Variants in CXCR4 observed in about 807,000 individuals in gnomAD.
CXCR4 encodes the protein C-X-C chemokine receptor type 4.
In CXCR4, 6 loss-of-function variants were observed where a neutral mutation model predicts 22.4. That is an observed-to-expected ratio of 0.27 (90% CI 0.15 to 0.53). The LOEUF (loss-of-function observed/expected upper bound fraction) is 0.53, where lower values mean the gene tolerates loss of function less well. Among genes scored for constraint, CXCR4 ranks in the 20% least tolerant of loss-of-function variants. The pLI, the probability that CXCR4 is intolerant of heterozygous loss-of-function variation, is 0.96. For synonymous variants in CXCR4, 155 were observed against 171.7 expected (o/e 0.90, Z 0.76); for missense variants, 300 against 430.4 (o/e 0.70, Z 2.68).
In CXCR4 at chr2:136,116,276, AAG is replaced by A. The variant is rs1684886778; in HGVS notation, c.16-366_16-365del. Reference sequence around the variant, plus strand: ...TAGGAGGAAAAAAAAAATACACACAAAGAGGCCACTCCCAGGCGGCGTGGGGG... The same window carrying A: ...TAGGAGGAAAAAAAAAATACACACAAAGGCCACTCCCAGGCGGCGTGGGGG... On this transcript the variant is annotated intron_variant, in intron 1 of 1. Coordinates refer to ENST00000241393, the MANE Select transcript of CXCR4 (RefSeq NM_003467.3). 2.2e-5 allele frequency: 25 copies of A among 1,148,186 alleles called. No individual in the cohort carries two copies. The South Asian group carries it at 4.8e-4, about 22-fold the overall frequency. The allele number at this position is 1,148,186 out of a possible 1,614,324, so 71.1% of individuals were successfully genotyped here. A position where few individuals can be genotyped will look rare whatever the true frequency, so the allele number is the denominator to read the frequency against.
chr2:136,118,078 C>T lies in CXCR4; in HGVS notation c.-18G>A. 1 of 1,613,616 alleles carries T rather than the reference C, an allele frequency of 6.2e-7. No homozygotes were observed. Among genetic ancestry groups the T allele is most frequent in the South Asian group, 1.1e-5 (1 of 91,014 alleles). ...CCCTCCATGGTAACCGCTGGTTCTC[C>T]AGATGCGGTGGCTACTGGAGCACTC... On this transcript the variant is annotated 5_prime_UTR_variant, in exon 1 of 2. Coordinates refer to ENST00000241393, the MANE Select transcript of CXCR4 (RefSeq NM_003467.3).
At chr2:136,116,953 A>T (rs984215083) in intron 1 of CXCR4, among the ~76,000 whole-genome samples, 4 of 152,226 alleles carry the variant, frequency 2.6e-5, no homozygotes, top group Admixed American at 1.3e-4. Context: ...GCTCTGTCCC[A>T]CAGGGTGCTG....
intron 1 of CXCR4, chr2:136,117,739 T>G: frequency 2.7e-6 from 1 of 376,474 alleles, no homozygotes; most frequent in Middle Eastern, 7.7e-4. Flanking sequence ...GCACAGAATG[T>G]TCTTACGTTT....
In CXCR4 at chr2:136,115,431, AG is replaced by A; in HGVS notation, c.496del (p.Leu166CysfsTer2). ...AAAGATGAAGTCGGGAATAGTCAGCAGGAGGGCAGGGATCCAGACGCCAACA... is the reference window on the plus strand; with the variant it reads ...AAAGATGAAGTCGGGAATAGTCAGCAGAGGGCAGGGATCCAGACGCCAACA... The part of the protein sequence containing the change: ...VYVGVWIPAL[L>X]LTIPDFIFAN... On this transcript the variant is annotated frameshift_variant, in exon 2 of 2. Transcript: ENST00000241393. LOFTEE classifies it high-confidence loss of function. The surrounding 1 kb of genome is among the most constrained non-coding windows in gnomAD (Gnocchi z 6.4). 6.2e-7 allele frequency: 1 copy of A among 1,614,222 alleles called. No individual in the cohort carries two copies. Among genetic ancestry groups the A allele is most frequent in the Non-Finnish European group, 8.5e-7 (1 of 1,180,042 alleles).
chr2:136,117,638 A>C (rs941515858), intron 1 of CXCR4: 2 of 176,420 alleles, frequency 1.1e-5, no homozygotes, highest in Middle Eastern at 2.5e-3. Flanking sequence ...AATTCAGACA[A>C]TGTAACTCGC....
At chr2:136,118,013 A>G (rs1684966739) in intron 1 of CXCR4, 33 bp downstream of exon 1, 3 of 1,612,062 alleles carry the variant, frequency 1.9e-6, no homozygotes, top group Non-Finnish European at 2.5e-6. Flanking sequence ...ACGTTTGTAC[A>G]TTTATGACAA....
chr2:136,117,808 A>G, intron 1 of CXCR4: 1 of 503,954 alleles, frequency 2.0e-6, no homozygotes, highest in Non-Finnish European at 3.5e-6. Flanking sequence ...ACATGCAGCC[A>G]CTGGAACGCT....
In CXCR4 at chr2:136,114,452, C is replaced by A; in HGVS notation, c.*417G>T. The A allele has an allele frequency of 4.2e-6, 1 of 237,516 alleles. No individual in the cohort carries two copies. The highest frequency in any genetic ancestry group is 8.3e-6 in the Non-Finnish European group (1 of 119,868). The allele number at this position is 237,516 out of a possible 1,614,324, so 14.7% of individuals were successfully genotyped here. ...AACTGAAAAACCAGCATTTCTATAC[C>A]ACTTTGGGCTTTGGTTATAAGTGCC... On this transcript the variant is annotated 3_prime_UTR_variant, in exon 2 of 2. Transcript: ENST00000241393.
intron 1 of CXCR4, among the ~76,000 whole-genome samples, chr2:136,117,294 C>T (rs573777404): frequency 6.6e-6 from 1 of 152,262 alleles, no homozygotes; most frequent in African/African-American, 2.4e-5. Flanking sequence ...CGACCCCAAA[C>T]TCTCGAACTG....
Position 136,115,382 on chromosome 2 carries a change from G to A in CXCR4, c.546C>T (p.Asp182=), listed in dbSNP as rs112461257. 6.2e-7 allele frequency: 1 copy of A among 1,614,216 alleles called. No homozygotes were observed. The highest frequency in any genetic ancestry group is 8.5e-7 in the Non-Finnish European group (1 of 1,180,044). The part of the protein sequence containing the change: ...FIFANVSEAD[D]RYICDRFYPN... The stretch of plus-strand genomic sequence containing the variant: ...GGTAGAAGCGGTCACAGATATATCT[G>A]TCATCTGCCTCACTGACGTTGGCAA... Residue 182 remains aspartate (D), a synonymous_variant, in exon 2 of 2, where the codon GAC becomes GAT. Transcript: ENST00000241393. This position sits in a 1 kb window ranked among gnomAD's most constrained non-coding sequence, Gnocchi z 6.4.
In CXCR4 at chr2:136,118,035, A is replaced by G. The variant is rs372805951; in HGVS notation, c.15+11T>C. 1 of 1,613,682 alleles carries G rather than the reference A, an allele frequency of 6.2e-7. No homozygotes were observed. The highest frequency in any genetic ancestry group is 8.5e-7 in the Non-Finnish European group (1 of 1,179,664). ...TACATTTATGACAAAGCAGGTTGAAACTGGACTTACACTGATCCCCTCCAT... is the reference window on the plus strand; with the variant it reads ...TACATTTATGACAAAGCAGGTTGAAGCTGGACTTACACTGATCCCCTCCAT... On this transcript the variant is annotated intron_variant, in intron 1 of 1. Transcript: ENST00000241393.
chr2:136,116,394 G>C (rs1684891660), intron 1 of CXCR4, among the ~76,000 whole-genome samples: 1 of 151,984 alleles, frequency 6.6e-6, no homozygotes, highest in Non-Finnish European at 1.5e-5. Context: ...GGAGGATCAC[G>C]GGGGGAGGGC....
chr2:136,115,910 T>C lies in CXCR4; in HGVS notation c.18A>G (p.Ile6Met). MEGISIYTSDNYTEEM... is the reference protein window; with the variant it reads MEGISMYTSDNYTEEM... The stretch of plus-strand genomic sequence containing the variant: ...CCTCGGTGTAGTTATCTGAAGTGTA[T>C]ATCTGCAAAAGAGGCAAAGGAATGG... Residue 6 changes from isoleucine (I) to methionine (M), a missense_variant and splice_region_variant, in exon 2 of 2, where the codon ATA becomes ATG. Physicochemically the swap from Ile to Met is conservative, Grantham distance 10 (BLOSUM62 1). Coordinates refer to ENST00000241393, the MANE Select transcript of CXCR4 (RefSeq NM_003467.3). The surrounding 1 kb of genome is among the most constrained non-coding windows in gnomAD (Gnocchi z 6.4). The C allele has an allele frequency of 6.2e-7, 1 of 1,614,138 alleles. No homozygotes were observed. Among genetic ancestry groups the C allele is most frequent in the South Asian group, 1.1e-5 (1 of 91,088 alleles).
At chr2:136,117,740 T>A (rs2104921669) in intron 1 of CXCR4, 1 of 383,666 alleles carries the variant, frequency 2.6e-6, no homozygotes, top group East Asian at 5.5e-5. Context: ...CACAGAATGT[T>A]CTTACGTTTG....
Position 136,115,863 on chromosome 2 carries a change from T to C in CXCR4, c.65A>G (p.Asp22Gly). The part of the protein sequence containing the change: ...YTEEMGSGDY[D>G]SMKEPCFREE... Reference sequence around the variant, plus strand: ...ACGGAAACAGGGTTCCTTCATGGAGTCATAGTCCCCTGAGCCCATTTCCTC... The same window carrying C: ...ACGGAAACAGGGTTCCTTCATGGAGCCATAGTCCCCTGAGCCCATTTCCTC... Residue 22 changes from aspartate to glycine, a missense_variant, in exon 2 of 2, where the codon GAC (aspartate) becomes GGC (glycine). Around this residue, in one of 3 missense-constraint regions of CXCR4, gnomAD observed 118 missense variants for 188.2 expected, o/e 0.63. Transcript: ENST00000241393. This position sits in a 1 kb window ranked among gnomAD's most constrained non-coding sequence, Gnocchi z 6.4. The C allele has an allele frequency of 6.2e-7, 1 of 1,614,146 alleles. No homozygotes were observed. Among genetic ancestry groups the C allele is most frequent in the Non-Finnish European group, 8.5e-7 (1 of 1,180,028 alleles).
At chr2:136,117,717 C>G (rs1244191764) in intron 1 of CXCR4, 3 of 275,576 alleles carry the variant, frequency 1.1e-5, no homozygotes, top group South Asian at 5.1e-5. Context: ...CGCACGCCTT[C>G]TCTGCACTTG....
Position 136,115,071 on chromosome 2 carries a change from A to T in CXCR4, c.857T>A (p.Ile286Asn). The change falls in exon 2 of 2, where the codon ATC becomes AAC. Residue 286 changes from isoleucine (I) to asparagine (N), a missense_variant. Transcript: ENST00000241393. The surrounding 1 kb of genome is among the most constrained non-coding windows in gnomAD (Gnocchi z 6.4). ...GTGGAAGAAAGCTAGGGCCTCGGTG[A>T]TGGAAATCCACTTGTGCACAGTGTT... ...FENTVHKWISITEALAFFHCC... is the reference protein window; with the variant it reads ...FENTVHKWISNTEALAFFHCC... 6.2e-7 allele frequency: 1 copy of T among 1,614,216 alleles called. No homozygotes were observed. The highest frequency in any genetic ancestry group is 8.5e-7 in the Non-Finnish European group (1 of 1,180,032).
intron 1 of CXCR4, among the ~76,000 whole-genome samples, chr2:136,116,663 G>T (rs1347728049): frequency 6.6e-6 from 1 of 152,198 alleles, no homozygotes; most frequent in Non-Finnish European, 1.5e-5. Flanking sequence ...TGGCGCGTTT[G>T]GGACGTTAGG....
chr2:136,114,414 A>G lies in CXCR4; in HGVS notation c.*455T>C, dbSNP rs1290155488. 2 of 233,852 alleles carry G rather than the reference A, an allele frequency of 8.6e-6. No individual in the cohort carries two copies. The highest frequency in any genetic ancestry group is 1.7e-5 in the Non-Finnish European group (2 of 117,634). 14.5% of individuals were successfully genotyped at this position (233,852 alleles called of 1,614,324 possible). ...CTGTACACTGTAGGTGCTGAAATCA[A>G]CCCACTCCTGAAAACTGAAAAACCA... On this transcript the variant is annotated 3_prime_UTR_variant, in exon 2 of 2. Transcript: ENST00000241393.
Sources: gnomAD v4.1 joint callset for allele counts (sites outside exome capture counted in the v4.1 genomes callset) on GRCh38, gnomAD v4.1.1 for gene constraint, gnomAD v4.1.1 regional missense constraint, Gnocchi (gnomAD v3.1) non-coding constraint, MANE v1.5 for transcripts, NCBI Gene and HGNC (gene_info 2026-07-23, HGNC 2026-07-21) for gene names.